The following CSRNP1 variants were observed in gnomAD, a reference collection of about 807,000 sequenced individuals.
The protein encoded by CSRNP1 is cysteine/serine-rich nuclear protein 1.
CSRNP1 carries 8 observed loss-of-function variants against 25.0 expected under a neutral mutation model. The observed-to-expected ratio is 0.32, with a 90% confidence interval of 0.19 to 0.58. The LOEUF is 0.58. Among genes scored for constraint, CSRNP1 ranks in the 20% least tolerant of loss-of-function variants. The probability of loss-of-function intolerance (pLI) is 0.88; values close to 1 mark genes in which losing one functional copy is unlikely to be tolerated. For missense variants in CSRNP1, 691 were observed against 773.1 expected, an observed-to-expected ratio of 0.89 and a Z score of 1.26; for synonymous variants, 305 against 303.1, an observed-to-expected ratio of 1.01 and a Z score of -0.06.
Position 39,143,456 on chromosome 3 carries a change from T to G in CSRNP1, c.1369A>C (p.Asn457His). ...AAGCAGCTGGCATCCAGGTTGGCAT[T>G]CTCATCCAGGACGCCTGATGTGAAG... Reference protein sequence around the residue: ...CSFTSGVLDENANLDASCFLN... With the variant: ...CSFTSGVLDEHANLDASCFLN... Residue 457 changes from asparagine to histidine, a missense_variant, in exon 5 of 5, where the codon AAT becomes CAT. Asn to His is a moderately conservative substitution (Grantham distance 68, BLOSUM62 1). Coordinates refer to ENST00000273153, the MANE Select transcript of CSRNP1 (RefSeq NM_033027.4). The G allele has an allele frequency of 6.2e-7, 1 of 1,614,126 alleles. No homozygotes were observed. The highest frequency in any genetic ancestry group is 8.5e-7 in the Non-Finnish European group (1 of 1,179,962).
rs199874965 is a variant in CSRNP1 at position 39,143,815 on chromosome 3, G to T, written c.1010C>A (p.Pro337His). 8.5e-5 allele frequency: 138 copies of T among 1,614,232 alleles called. 1 individual carries two copies. The highest frequency in any genetic ancestry group is 4.2e-6 in the Non-Finnish European group (5 of 1,180,036). ...ALVPTFPLAK[P>H]PMNNELGDNS... ...GTCTCCCAGCTCATTGTTCATGGGG[G>T]GCTTGGCCAGTGGGAAAGTAGGGAC... The change falls in exon 5 of 5, where the codon CCC becomes CAC. Residue 337 changes from proline (P) to histidine (H), a missense_variant. By Grantham distance (77) the Pro-to-His change is moderately conservative. Transcript: ENST00000273153.
rs1310399913 is a variant in CSRNP1 at position 39,146,678 on chromosome 3, G to C, written c.5C>G (p.Thr2Ser). The C allele has an allele frequency of 3.2e-6, 5 of 1,560,782 alleles. No homozygotes were observed. Among genetic ancestry groups the C allele is most frequent in the Non-Finnish European group, 3.5e-6 (4 of 1,152,354 alleles). Residue 2 changes from threonine (T) to serine (S), a missense_variant, in exon 2 of 5, where the codon ACT (threonine) becomes AGT (serine). Physicochemically the swap from Thr to Ser is moderately conservative, Grantham distance 58 (BLOSUM62 1). Transcript: ENST00000273153. The stretch of plus-strand genomic sequence containing the variant: ...GTCAAATTTCCTCTTCAACAGCCCA[G>C]TCATGGTGGTGCCGGACGTGCTCTG... MTGLLKRKFDQL... is the reference protein window; with the variant it reads MSGLLKRKFDQL...
At position 39,142,832 on chromosome 3, in the gene CSRNP1, G is replaced by A. The variant is rs960766177; in HGVS notation, c.*223C>T. ...GAGCAAGCTGTGGGTGTGGGGGGCCGGGCAGCTGAAAGGGGAAGCCCCCTC... is the reference window on the plus strand; with the variant it reads ...GAGCAAGCTGTGGGTGTGGGGGGCCAGGCAGCTGAAAGGGGAAGCCCCCTC... On this transcript the variant is annotated 3_prime_UTR_variant, in exon 5 of 5. Coordinates refer to ENST00000273153, the MANE Select transcript of CSRNP1 (RefSeq NM_033027.4). The A allele has an allele frequency of 8.1e-5, 36 of 442,028 alleles. No homozygotes were observed. The highest frequency in any genetic ancestry group is 5.8e-4 in the Middle Eastern group (1 of 1,710). The allele number at this position is 442,028 out of a possible 1,614,324, so 27.4% of individuals were successfully genotyped here. A position where few individuals can be genotyped will look rare whatever the true frequency, so the allele number is the denominator to read the frequency against.
In CSRNP1 at chr3:39,144,436, C is replaced by A. The variant is rs1287453540; in HGVS notation, c.481G>T (p.Val161Leu). 1.2e-6 allele frequency: 2 copies of A among 1,604,594 alleles called. No homozygotes were observed. Among genetic ancestry groups the A allele is most frequent in the Admixed American group, 3.3e-5 (2 of 59,830 alleles). ...MLQWKLSAAG[V>L]PQAEAGLPPV... ...GGCAGCCCTGCCTCTGCCTGGGGTA[C>A]CCCAGCTGCCGAAAGCTGCATCCAC... Residue 161 changes from valine (V) to leucine (L), a missense_variant, in exon 4 of 5, where the codon GTA becomes TTA. By Grantham distance (32) the Val-to-Leu change is conservative. Transcript: ENST00000273153.
rs2039444777 is a variant in CSRNP1, at chr3:39,143,379, T to A, written c.1446A>T (p.Ser482=). The change falls in exon 5 of 5, where the codon TCA becomes TCT. Residue 482 remains serine (S), a synonymous_variant. Transcript: ENST00000273153. ...GGCCAGCGTCCATGCTGGGTGGCAC[T>A]GAGGTGCCAGGAAGGCTGCCTTCCC... ...GSREGSLPGT[S]VPPSMDAGRS... 1 of 1,613,990 alleles carries A rather than the reference T, an allele frequency of 6.2e-7. No individual in the cohort carries two copies. Among genetic ancestry groups the A allele is most frequent in the Non-Finnish European group, 8.5e-7 (1 of 1,179,964 alleles).
At chr3:39,144,533 C>A in intron 3 of CSRNP1, 82 bp from the exon 4 acceptor site, 1 of 1,340,644 alleles carries the variant, frequency 7.5e-7, no homozygotes, top group Admixed American at 2.4e-5. Flanking sequence ...AAACCCTCCC[C>A]AAGTGCTTAC....
chr3:39,144,527 C>G, intron 3 of CSRNP1, 76 bp from the exon 4 acceptor site: 1 of 1,407,206 alleles, frequency 7.1e-7, no homozygotes, highest in Non-Finnish European at 9.5e-7. Context: ...CTAGACAAAC[C>G]CTCCCCAAGT....
chr3:39,146,558 G>C lies in CSRNP1; in HGVS notation c.125C>G (p.Ala42Gly). The change falls in exon 2 of 5, where the codon GCC becomes GGC. Residue 42 changes from alanine (A) to glycine (G), a missense_variant. Physicochemically the swap from Ala to Gly is moderately conservative, Grantham distance 60. Transcript: ENST00000273153. ...GGGGCCTTCCTCCTCTGAGTCCCAG[G>C]CACGGGAGACAGAAGAGCTTGGGGA... Reference protein sequence around the residue: ...SCSPSSSVSRAWDSEEEGPWD... With the variant: ...SCSPSSSVSRGWDSEEEGPWD... 1 of 1,553,376 alleles carries C rather than the reference G, an allele frequency of 6.4e-7. No homozygotes were observed. Among genetic ancestry groups the C allele is most frequent in the Non-Finnish European group, 8.7e-7 (1 of 1,147,906 alleles).
At chr3:39,145,582 G>A (rs2039497914) in intron 2 of CSRNP1, among the ~76,000 whole-genome samples, 1 of 152,140 alleles carries the variant, frequency 6.6e-6, no homozygotes, top group South Asian at 2.1e-4. Flanking sequence ...TGATTTGTAG[G>A]ATTTCTGTGT....
chr3:39,145,119 G>A lies in CSRNP1; in HGVS notation c.343C>T (p.Leu115Phe), dbSNP rs2039488471. The change falls in exon 3 of 5, where the codon CTT becomes TTT. Residue 115 changes from leucine (L) to phenylalanine (F), a missense_variant. Transcript: ENST00000273153. The part of the protein sequence containing the change: ...SRGGCTLGMA[L>F]RHSACRRFSL... ...AAGCGACGGCAAGCACTGTGGCGAA[G>A]GGCCATACCCAGAGTACAGCCACCA... 1 of 1,614,276 alleles carries A rather than the reference G, an allele frequency of 6.2e-7. No individual in the cohort carries two copies. The highest frequency in any genetic ancestry group is 1.3e-5 in the African/African-American group (1 of 75,072).
intron 2 of CSRNP1, among the ~76,000 whole-genome samples, chr3:39,146,034 G>A (rs1208606396): frequency 6.6e-6 from 1 of 152,206 alleles, no homozygotes; most frequent in African/African-American, 2.4e-5. Flanking sequence ...ATACAAGCTT[G>A]AAAATAACCA....
Position 39,143,035 on chromosome 3 carries a change from G to A in CSRNP1, c.*20C>T, listed in dbSNP as rs200230516. On this transcript the variant is annotated 3_prime_UTR_variant, in exon 5 of 5. Transcript: ENST00000273153. Reference sequence around the variant, plus strand: ...AAGCAGCAACAGGTCTCTTGGGGCTGGGAAAAGACATCCTGGTCCTCACAC... The same window carrying A: ...AAGCAGCAACAGGTCTCTTGGGGCTAGGAAAAGACATCCTGGTCCTCACAC... The A allele has an allele frequency of 9.8e-6, 15 of 1,536,382 alleles. No individual in the cohort carries two copies. Among genetic ancestry groups the A allele is most frequent in the Non-Finnish European group, 1.3e-5 (15 of 1,141,420 alleles).
Position 39,144,189 on chromosome 3 carries a change from C to G in CSRNP1, c.728G>C (p.Arg243Thr). ...SREDCGCHCDRICDPETCSCS... is the reference protein window; with the variant it reads ...SREDCGCHCDTICDPETCSCS... ...GCTGCAGGTCTCAGGGTCGCAGATC[C>G]TATCGCAGTGACAGCCACAATCCTC... The change falls in exon 4 of 5, where the codon AGG becomes ACG. Residue 243 changes from arginine (R) to threonine (T), a missense_variant. By Grantham distance (71) the Arg-to-Thr change is moderately conservative. Coordinates refer to ENST00000273153, the MANE Select transcript of CSRNP1 (RefSeq NM_033027.4). 1.2e-6 allele frequency: 2 copies of G among 1,614,216 alleles called. No individual in the cohort carries two copies. Among genetic ancestry groups the G allele is most frequent in the Non-Finnish European group, 1.7e-6 (2 of 1,180,046 alleles).
chr3:39,153,454 C>T lies in CSRNP1; in HGVS notation c.-57G>A, dbSNP rs771038569. On this transcript the variant is annotated 5_prime_UTR_variant, in exon 1 of 5. Transcript: ENST00000273153. Reference sequence around the variant, plus strand: ...GGCGCTCACCTGCAATCCGGACGCTCGCGGAGGACAACGACGCGACCCGCG... The same window carrying T: ...GGCGCTCACCTGCAATCCGGACGCTTGCGGAGGACAACGACGCGACCCGCG... 6.1e-6 allele frequency: 2 copies of T among 330,540 alleles called. No homozygotes were observed. The highest frequency in any genetic ancestry group is 2.0e-5 in the South Asian group (1 of 50,772). The allele number at this position is 330,540 out of a possible 1,614,324, so 20.5% of individuals were successfully genotyped here.
chr3:39,144,543 C>CTTA, intron 3 of CSRNP1, 92 bp from the exon 4 acceptor site: 1 of 1,273,722 alleles, frequency 7.9e-7, no homozygotes, highest in East Asian at 2.5e-5. Flanking sequence ...CAAGTGCTTA[C>CTTA]CCCCCCACTA....
chr3:39,146,426 T>C (rs2039511544), intron 2 of CSRNP1, 52 bp downstream of exon 2: 1 of 1,477,266 alleles, frequency 6.8e-7, no homozygotes, highest in Non-Finnish European at 9.0e-7. Context: ...CTAAATTTCA[T>C]CTTTCAGGAA....
chr3:39,143,999 C>G lies in CSRNP1; in HGVS notation c.826G>C (p.Glu276Gln), dbSNP rs1400526552. 6.2e-7 allele frequency: 1 copy of G among 1,613,462 alleles called. No homozygotes were observed. Among genetic ancestry groups the G allele is most frequent in the Non-Finnish European group, 8.5e-7 (1 of 1,180,022 alleles). The change falls in exon 5 of 5, where the codon GAG becomes CAG. Residue 276 changes from glutamate (E) to glutamine (Q), a missense_variant. Transcript: ENST00000273153. ...AATTCCACACGGCCCATGGGGTTCT[C>G]ACAGCCCTCCCTGCAGCAGCCACAG... ...FPCGCCREGCENPMGRVEFNQ... is the reference protein window; with the variant it reads ...FPCGCCREGCQNPMGRVEFNQ...
intron 1 of CSRNP1, chr3:39,152,888 A>G (rs2039603442): frequency 6.6e-6 from 1 of 152,182 alleles, no homozygotes; most frequent in African/African-American, 2.4e-5. Flanking sequence ...CTACGACACA[A>G]TCCCTCCCTC....
At position 39,144,998 on chromosome 3, in the gene CSRNP1, T is replaced by G; in HGVS notation, c.464A>C (p.Lys155Thr). The change falls in exon 3 of 5, where the codon AAG becomes ACG. Residue 155 changes from lysine (K) to threonine (T), a missense_variant and splice_region_variant. Coordinates refer to ENST00000273153, the MANE Select transcript of CSRNP1 (RefSeq NM_033027.4). ...CGCCACGGAGAGGACTCTCTCTACC[T>G]TCCACTGCAGCATCTCCAACTTCTC... ...KEEKLEMLQW[K>T]LSAAGVPQAE... 1 of 1,604,162 alleles carries G rather than the reference T, an allele frequency of 6.2e-7. No homozygotes were observed. The highest frequency in any genetic ancestry group is 8.5e-7 in the Non-Finnish European group (1 of 1,173,308).
Sources: allele counts gnomAD v4.1 joint callset (sites outside exome capture counted in the v4.1 genomes callset), GRCh38; gene constraint gnomAD v4.1.1; transcripts MANE v1.5; gene names NCBI Gene and HGNC (gene_info 2026-07-23, HGNC 2026-07-21).